CALN1: variants seen among roughly 807,000 people sequenced by gnomAD.
CALN1 encodes calcium-binding protein 8.
A neutral mutation model predicts 30.6 loss-of-function variants in CALN1; 17 were observed. The ratio of observed to expected loss-of-function variants is 0.56; its 90% CI spans 0.38 to 0.83. The LOEUF is 0.83. Among genes scored for constraint, CALN1 ranks in the 40% least tolerant of loss-of-function variants. The probability of loss-of-function intolerance (pLI) is 0.00; values close to 1 mark genes in which losing one functional copy is unlikely to be tolerated. For synonymous variants in CALN1, 156 were observed against 131.4 expected (o/e 1.19, Z -1.28); for missense variants, 291 against 354.9 (o/e 0.82, Z 1.45).
intron 3 of CALN1, among the ~76,000 whole-genome samples, chr7:72,115,058 T>C (rs1807869993): frequency 6.7e-6 from 1 of 149,042 alleles, no homozygotes; most frequent in South Asian, 2.1e-4. Flanking sequence ...GGACATTACA[T>C]TATATATGGA....
chr7:71,779,621 T>C lies in CALN1; in HGVS notation c.*8154A>G, dbSNP rs1202956095. On this transcript the variant is annotated 3_prime_UTR_variant, in exon 7 of 7. Transcript: ENST00000395275. ...ATCTGGTAAATATGGCAGTTTTCCT[T>C]TATACACTAAGATAACATATTAATA... 1 of 152,246 alleles carries C rather than the reference T, an allele frequency of 6.6e-6. No individual in the cohort carries two copies. Among genetic ancestry groups the C allele is most frequent in the Admixed American group, 6.5e-5 (1 of 15,282 alleles). The allele number at this position is 152,246 out of a possible 1,614,324, so 9.4% of individuals were successfully genotyped here.
intron 3 of CALN1, among the ~76,000 whole-genome samples, chr7:72,250,515 T>C (rs923997252): frequency 1.3e-5 from 2 of 152,182 alleles, no homozygotes; most frequent in Non-Finnish European, 1.5e-5. Context: ...ATCTGACATA[T>C]AGTTCAGATG....
At chr7:71,866,793 G>C (rs1234447368) in intron 5 of CALN1, among the ~76,000 whole-genome samples, 1 of 152,156 alleles carries the variant, frequency 6.6e-6, no homozygotes, top group Non-Finnish European at 1.5e-5. Context: ...GAAATAGGGG[G>C]AGAAAGGTCT....
In CALN1 at chr7:72,066,416, G is replaced by A. The variant is rs537693477; in HGVS notation, c.388+39735C>T. Among the ~76,000 whole-genome samples the A allele has an allele frequency of 2.7e-4, 41 of 152,028 alleles. No individual in the cohort carries two copies. In the South Asian group the frequency reaches 7.1e-3, roughly 26 times the overall value. On this transcript the variant is annotated intron_variant, in intron 4 of 6. Coordinates refer to ENST00000395275, the MANE Select transcript of CALN1 (RefSeq NM_031468.4). The stretch of plus-strand genomic sequence containing the variant: ...TCTTAACCACACACATACCAAATTC[G>A]TCAATGTAAACTTGTCAAATGCTTT...
chr7:71,818,343 G>A (rs531898686), intron 5 of CALN1, among the ~76,000 whole-genome samples: 18 of 152,122 alleles, frequency 1.2e-4, no homozygotes, highest in South Asian at 4.1e-4. Flanking sequence ...GGGGGCAGCC[G>A]TACCAAGGCA....
At chr7:71,996,325 A>T (rs1584707777) in intron 5 of CALN1, among the ~76,000 whole-genome samples, 1 of 152,208 alleles carries the variant, frequency 6.6e-6, no homozygotes, top group Non-Finnish European at 1.5e-5. Flanking sequence ...GAATGAGAAA[A>T]GACACTTAAC....
At chr7:72,405,024 C>A (rs1156279402) in intron 1 of CALN1, among the ~76,000 whole-genome samples, 5 of 152,174 alleles carry the variant, frequency 3.3e-5, no homozygotes, top group African/African-American at 1.2e-4. Context: ...CAGAGCTGGA[C>A]CAGATGGTGT....
At chr7:71,819,334 G>A (rs956371432) in intron 5 of CALN1, among the ~76,000 whole-genome samples, 8 of 151,404 alleles carry the variant, frequency 5.3e-5, no homozygotes, top group Non-Finnish European at 1.2e-4. Context: ...TCAGCCTCCT[G>A]AGTAGCTGAG....
chr7:71,929,318 T>C (rs1302957783), intron 5 of CALN1, among the ~76,000 whole-genome samples: 3 of 152,160 alleles, frequency 2.0e-5, no homozygotes, highest in Admixed American at 2.0e-4. Flanking sequence ...TGTGTGTTGC[T>C]CCCCTTGATG....
At chr7:71,979,133 A>G (rs1029709251) in intron 5 of CALN1, among the ~76,000 whole-genome samples, 3 of 152,010 alleles carry the variant, frequency 2.0e-5, no homozygotes, top group African/African-American at 4.8e-5. Context: ...TGCAGATGAC[A>G]CTGTGTCCTC....
chr7:71,851,735 A>T (rs182512615), intron 5 of CALN1, among the ~76,000 whole-genome samples: 1 of 152,106 alleles, frequency 6.6e-6, no homozygotes, highest in South Asian at 2.1e-4. Context: ...GAGGCTTTGC[A>T]TGGATCTAAG....
chr7:72,336,731 C>T (rs1802073830), intron 2 of CALN1: 3 of 985,212 alleles, frequency 3.0e-6, no homozygotes, highest in African/African-American at 1.7e-5. Flanking sequence ...CTCCGCAGCC[C>T]GGCAGCCGAG....
chr7:72,460,282 C>T, the CALN1 span, among the ~76,000 whole-genome samples: 1 of 152,168 alleles, frequency 6.6e-6, no homozygotes, highest in Non-Finnish European at 1.5e-5. Context: ...AACGATGTCA[C>T]TTATGAAGGT....
At chr7:72,074,345 C>T (rs1804595103) in intron 4 of CALN1, among the ~76,000 whole-genome samples, 1 of 152,180 alleles carries the variant, frequency 6.6e-6, no homozygotes, top group East Asian at 1.9e-4. Context: ...AGCGGCAGGA[C>T]CTCTCAGGGC....
At chr7:72,248,495 ATCTC>A (rs1296629556) in intron 3 of CALN1, among the ~76,000 whole-genome samples, 3 of 151,260 alleles carry the variant, frequency 2.0e-5, no homozygotes, top group Admixed American at 6.6e-5. Context: ...CTTCCAGCCA[ATCTC>A]TCTCTCTCTT....
At chr7:72,397,145 A>G (rs765080446) in intron 2 of CALN1, among the ~76,000 whole-genome samples, 1 of 152,100 alleles carries the variant, frequency 6.6e-6, no homozygotes, top group Non-Finnish European at 1.5e-5. Context: ...TCCTGGCCTC[A>G]AGCAATCCTC....
At chr7:72,207,844 A>G (rs999118969) in intron 3 of CALN1, among the ~76,000 whole-genome samples, 2 of 152,178 alleles carry the variant, frequency 1.3e-5, no homozygotes, top group African/African-American at 2.4e-5. Context: ...CAATGCATAT[A>G]TATTACTTTT....
intron 5 of CALN1, among the ~76,000 whole-genome samples, chr7:71,837,052 T>G (rs184007492): frequency 3.7e-4 from 56 of 151,260 alleles, no homozygotes; most frequent in African/African-American, 1.3e-3. Context: ...GCCAACATGG[T>G]GAAACCCTGT....
At chr7:71,804,499 C>T (rs1263655364) in intron 6 of CALN1, among the ~76,000 whole-genome samples, 3 of 152,140 alleles carry the variant, frequency 2.0e-5, no homozygotes, top group African/African-American at 7.2e-5. Context: ...CACAGCAGGA[C>T]TCTCTTTATT....
Sources: allele counts gnomAD v4.1 joint callset (sites outside exome capture counted in the v4.1 genomes callset), GRCh38; gene constraint gnomAD v4.1.1; transcripts MANE v1.5; gene names NCBI Gene and HGNC (gene_info 2026-07-23, HGNC 2026-07-21).